The following GALNTL6 variants were observed in gnomAD, a reference collection of about 807,000 sequenced individuals.
GALNTL6 encodes the protein polypeptide N-acetylgalactosaminyltransferase-like 6.
Under a neutral mutation model 73.7 loss-of-function variants are expected in GALNTL6, and 46 were observed. The observed-to-expected ratio is 0.62, with a 90% CI of 0.49 to 0.80. The LOEUF (loss-of-function observed/expected upper bound fraction) is 0.80. GALNTL6 is among the 30% of genes least tolerant of loss of function. GALNTL6 has a pLI of 0.00. For synonymous variants in GALNTL6, 259 were observed against 263.7 expected, an observed-to-expected ratio of 0.98 and a Z score of 0.17; for missense variants, 604 against 755.0, an observed-to-expected ratio of 0.80 and a Z score of 2.34.
At chr4:172,532,584 A>T (rs534458545) in intron 5 of GALNTL6, among the ~76,000 whole-genome samples, 36 of 152,210 alleles carry the variant, frequency 2.4e-4, no homozygotes, top group Non-Finnish European at 4.7e-4. Context: ...TTCCACAAAT[A>T]ATCATGTATT....
intron 2 of GALNTL6, among the ~76,000 whole-genome samples, chr4:172,148,203 T>C (rs1380606170): frequency 3.3e-5 from 5 of 152,148 alleles, no homozygotes; most frequent in African/African-American, 1.2e-4. Context: ...ATTCTGAGTA[T>C]TTCTTAAAAT....
chr4:172,812,419 A>C (rs776379564), intron 6 of GALNTL6, among the ~76,000 whole-genome samples: 1 of 152,236 alleles, frequency 6.6e-6, no homozygotes, highest in Non-Finnish European at 1.5e-5. Context: ...GAATAACAAG[A>C]AGTTCTGCCC....
intron 5 of GALNTL6, among the ~76,000 whole-genome samples, chr4:172,641,374 G>T (rs1739970470): frequency 6.6e-6 from 1 of 152,030 alleles, no homozygotes; most frequent in South Asian, 2.1e-4. Flanking sequence ...CCAGTTCTGG[G>T]CCCAACTCCC....
At chr4:172,983,874 C>T (rs1751179561) in intron 10 of GALNTL6, among the ~76,000 whole-genome samples, 1 of 151,704 alleles carries the variant, frequency 6.6e-6, no homozygotes. Flanking sequence ...CTTATAAGAA[C>T]CAGAGGTCCA....
At chr4:172,142,957 A>G (rs1733839093) in intron 2 of GALNTL6, among the ~76,000 whole-genome samples, 1 of 152,016 alleles carries the variant, frequency 6.6e-6, no homozygotes, top group Non-Finnish European at 1.5e-5. Flanking sequence ...GGTTATGAAC[A>G]TATCCAATTC....
intron 10 of GALNTL6, among the ~76,000 whole-genome samples, chr4:172,993,780 G>T (rs570302577): frequency 6.6e-6 from 1 of 152,052 alleles, no homozygotes; most frequent in Admixed American, 6.6e-5. Flanking sequence ...GGCTTTTCCG[G>T]GCATGGTGGC....
At position 172,844,445 on chromosome 4, in the gene GALNTL6, C is replaced by T. The variant is rs112509040; in HGVS notation, c.923+30722C>T. Among the ~76,000 whole-genome samples the T allele has an allele frequency of 5.4e-3, 825 of 152,308 alleles. 9 individuals carry two copies. The highest frequency in any genetic ancestry group is 0.018 in the African/African-American group (750 of 41,566). On this transcript the variant is annotated intron_variant, in intron 7 of 12. Coordinates refer to ENST00000506823, the MANE Select transcript of GALNTL6 (RefSeq NM_001034845.3). ...TCGACAGCTAGAGAGTGGCAGAGCT[C>T]GAGCACAAACTCAAATCTTTTTCTT...
intron 5 of GALNTL6, among the ~76,000 whole-genome samples, chr4:172,785,134 A>G (rs180846748): frequency 3.3e-5 from 5 of 152,312 alleles, no homozygotes; most frequent in Non-Finnish European, 7.4e-5. Context: ...TCTTAACTAT[A>G]TGAAAGACAG....
At chr4:171,968,307 A>T (rs332978) in intron 2 of GALNTL6, among the ~76,000 whole-genome samples, 139,388 of 152,152 alleles carry the variant, frequency 0.92, 64,921 homozygotes, top group Non-Finnish European at 1. Context: ...GAAATCAAGG[A>T]TTTGGCAGGG....
At chr4:172,225,567 G>T (rs1350893068) in intron 2 of GALNTL6, among the ~76,000 whole-genome samples, 1 of 151,842 alleles carries the variant, frequency 6.6e-6, no homozygotes, top group Non-Finnish European at 1.5e-5. Context: ...TACTAGACCT[G>T]AGCTGGGAAA....
intron 2 of GALNTL6, among the ~76,000 whole-genome samples, chr4:172,146,934 A>C (rs975540358): frequency 6.6e-6 from 1 of 152,236 alleles, no homozygotes; most frequent in African/African-American, 2.4e-5. Context: ...GAATTTTGTT[A>C]AGACATTTAA....
intron 2 of GALNTL6, among the ~76,000 whole-genome samples, chr4:172,146,495 T>A (rs1475533374): frequency 6.6e-6 from 1 of 152,222 alleles, no homozygotes; most frequent in Non-Finnish European, 1.5e-5. Context: ...TCTGTGAATT[T>A]GCATATGGGC....
intron 2 of GALNTL6, among the ~76,000 whole-genome samples, chr4:172,089,275 T>A (rs921462912): frequency 6.6e-6 from 1 of 152,116 alleles, no homozygotes; most frequent in Non-Finnish European, 1.5e-5. Flanking sequence ...TATAAACTAG[T>A]TTTTCAAGTC....
rs1380825125 is a variant in GALNTL6 at position 171,872,509 on chromosome 4, A to G, written c.138+57791A>G. Among the ~76,000 whole-genome samples the G allele has an allele frequency of 4.6e-5, 7 of 152,228 alleles. 2 individuals carry two copies. Among genetic ancestry groups the G allele is most frequent in the Admixed American group, 4.6e-4 (7 of 15,280 alleles). On this transcript the variant is annotated intron_variant, in intron 2 of 12. Transcript: ENST00000506823. ...CACCTTAAATATCTAGGCTGCCATAACAAAGTAACACAAACTGAGTGACTT... is the reference window on the plus strand; with the variant it reads ...CACCTTAAATATCTAGGCTGCCATAGCAAAGTAACACAAACTGAGTGACTT...
intron 5 of GALNTL6, among the ~76,000 whole-genome samples, chr4:172,691,451 AAAG>A (rs1438293734): frequency 2.0e-5 from 3 of 152,176 alleles, no homozygotes; most frequent in African/African-American, 7.2e-5. Flanking sequence ...ATGTCCGTCT[AAAG>A]AAGGAGTTAT....
chr4:172,716,749 G>A (rs1305774700), intron 5 of GALNTL6, among the ~76,000 whole-genome samples: 1 of 152,196 alleles, frequency 6.6e-6, no homozygotes, highest in African/African-American at 2.4e-5. Flanking sequence ...TTTAAAAAGT[G>A]TACAAGTCAA....
At chr4:172,141,165 TAG>T (rs567649166) in intron 2 of GALNTL6, among the ~76,000 whole-genome samples, 1 of 152,006 alleles carries the variant, frequency 6.6e-6, no homozygotes, top group South Asian at 2.1e-4. Flanking sequence ...ATGGAAATCC[TAG>T]AGAGAGAGCA....
At chr4:171,894,798 A>C (rs1736864047) in intron 2 of GALNTL6, among the ~76,000 whole-genome samples, 1 of 152,206 alleles carries the variant, frequency 6.6e-6, no homozygotes, top group African/African-American at 2.4e-5. Context: ...AAGAGTTCCA[A>C]GGGACTTGTG....
chr4:172,682,343 A>T (rs1040736001), intron 5 of GALNTL6, among the ~76,000 whole-genome samples: 4 of 152,142 alleles, frequency 2.6e-5, no homozygotes, highest in Non-Finnish European at 4.4e-5. Context: ...AATATTTTTA[A>T]TGTGGCAAAT....
Sources: allele counts gnomAD v4.1 joint callset (sites outside exome capture counted in the v4.1 genomes callset), GRCh38; gene constraint gnomAD v4.1.1; transcripts MANE v1.5; gene names NCBI Gene and HGNC (gene_info 2026-07-23, HGNC 2026-07-21).